Variants in SLC45A3 observed in about 807,000 individuals in gnomAD.
The protein encoded by SLC45A3 is prostate cancer associated protein 2.
In SLC45A3, 17 loss-of-function variants were observed where a neutral mutation model predicts 35.3. The observed-to-expected ratio is 0.48, with a 90% confidence interval of 0.33 to 0.72. SLC45A3 has a LOEUF of 0.72. Ranked by LOEUF, SLC45A3 falls within the 30% of genes least tolerant of loss-of-function variation. The pLI is 0.02. For synonymous variants in SLC45A3, 288 were observed against 334.3 expected (o/e 0.86, Z 1.51); for missense variants, 597 against 731.7 (o/e 0.82, Z 2.12).
rs35201492 is a variant in SLC45A3 at position 205,659,513 on chromosome 1, G to A, written c.1383C>T (p.Cys461=). 3.0e-3 allele frequency: 4,775 copies of A among 1,611,982 alleles called. 44 individuals carry two copies. Among genetic ancestry groups the A allele is most frequent in the African/African-American group, 0.027 (2,037 of 75,020 alleles). The change falls in exon 5 of 5, where the codon TGC becomes TGT. Residue 461 remains cysteine, a synonymous_variant. Transcript: ENST00000367145. This position sits in a 1 kb window ranked among gnomAD's most constrained non-coding sequence, Gnocchi z 5.8. ...CGGAGACATCACAGGCAGAGGCCCCGCAGAGCGCGGGTGGAGGTGGGAGCA... is the reference window on the plus strand; with the variant it reads ...CGGAGACATCACAGGCAGAGGCCCCACAGAGCGCGGGTGGAGGTGGGAGCA... The part of the protein sequence containing the change: ...SGLLPPPPAL[C]GASACDVSVR...
In SLC45A3 at chr1:205,664,916, G is replaced by T. The variant is rs185358189; in HGVS notation, c.-230-30C>A. ...AAGGGCGGGGCAATCACAAGCACACGGGGTGTTAAGTCCTGGGAGCCAGGT... is the reference window on the plus strand; with the variant it reads ...AAGGGCGGGGCAATCACAAGCACACTGGGTGTTAAGTCCTGGGAGCCAGGT... On this transcript the variant is annotated intron_variant, in intron 1 of 4. Transcript: ENST00000367145. This position sits in a 1 kb window ranked among gnomAD's most constrained non-coding sequence, Gnocchi z 5.3. 33 of 1,325,626 alleles carry T rather than the reference G, an allele frequency of 2.5e-5. No individual in the cohort carries two copies. Among genetic ancestry groups the T allele is most frequent in the Non-Finnish European group, 2.6e-5 (27 of 1,039,234 alleles). 82.1% of individuals were successfully genotyped at this position (1,325,626 alleles called of 1,614,324 possible). A position where few individuals can be genotyped will look rare whatever the true frequency, so the allele number is the denominator to read the frequency against.
At chr1:205,677,941 C>T (rs1325103869) in intron 1 of SLC45A3, among the ~76,000 whole-genome samples, 1 of 152,220 alleles carries the variant, frequency 6.6e-6, no homozygotes, top group African/African-American at 2.4e-5. Context: ...TCCCATTTTG[C>T]AGCCAGGGAT....
Position 205,664,647 on chromosome 1 carries a change from T to C in SLC45A3, c.10A>G (p.Arg4Gly), listed in dbSNP as rs1450896571. MVQ[R>G]LWVSRLLRHR... is the part of the protein sequence containing the mutation. ...CGCAGCAGGCGGCTCACCCACAGCC[T>C]CTGGACCATAGTGGGCCAGGCGGGT... is the stretch of plus-strand genomic sequence containing the variant. Residue 4 changes from arginine to glycine, a missense_variant, in exon 2 of 5, where the codon AGG (arginine) becomes GGG (glycine). Arg to Gly is a moderately radical substitution (Grantham distance 125, BLOSUM62 -2). Transcript: ENST00000367145. The surrounding 1 kb of genome is among the most constrained non-coding windows in gnomAD (Gnocchi z 5.3). The C allele has an allele frequency of 6.2e-7, 1 of 1,614,172 alleles. No homozygotes were observed. The highest frequency in any genetic ancestry group is 1.7e-5 in the Admixed American group (1 of 60,020).
At chr1:205,668,497 C>A (rs1671154554) in intron 1 of SLC45A3, among the ~76,000 whole-genome samples, 1 of 152,132 alleles carries the variant, frequency 6.6e-6, no homozygotes, top group Non-Finnish European at 1.5e-5. Context: ...AGTGTTGGAA[C>A]CCCGCCTCCT....
At chr1:205,674,090 A>T (rs1032068444) in intron 1 of SLC45A3, among the ~76,000 whole-genome samples, 5 of 151,938 alleles carry the variant, frequency 3.3e-5, no homozygotes, top group African/African-American at 1.2e-4. Context: ...ATACAAATCC[A>T]CGTGAGGGGG....
chr1:205,678,236 G>A (rs1222534676), intron 1 of SLC45A3, among the ~76,000 whole-genome samples: 4 of 152,172 alleles, frequency 2.6e-5, no homozygotes, highest in African/African-American at 4.8e-5. Context: ...AGAATCACTT[G>A]AACCCAGGAG....
chr1:205,668,750 G>A (rs1156679068), intron 1 of SLC45A3, among the ~76,000 whole-genome samples: 1 of 152,138 alleles, frequency 6.6e-6, no homozygotes, highest in Non-Finnish European at 1.5e-5. Context: ...AGCCTTCTAG[G>A]ACAAGTCCCT....
intron 1 of SLC45A3, among the ~76,000 whole-genome samples, chr1:205,668,833 T>C (rs1013907379): frequency 1.3e-5 from 2 of 152,110 alleles, no homozygotes; most frequent in Non-Finnish European, 2.9e-5. Context: ...GGAGGAAACC[T>C]AAGGCCTCTG....
At chr1:205,680,093 G>A (rs1001118886) in intron 1 of SLC45A3, among the ~76,000 whole-genome samples, 12 of 148,602 alleles carry the variant, frequency 8.1e-5, no homozygotes, top group African/African-American at 2.9e-4. Context: ...CGCCCACACC[G>A]CCGCCCCGCC....
chr1:205,666,470 T>C lies in SLC45A3; in HGVS notation c.-230-1584A>G, dbSNP rs1210797582. 6.6e-6 allele frequency among the ~76,000 whole-genome samples: 1 copy of C among 152,214 alleles called. No homozygotes were observed. Among genetic ancestry groups the C allele is most frequent in the East Asian group, 1.9e-4 (1 of 5,196 alleles). On this transcript the variant is annotated intron_variant, in intron 1 of 4. Coordinates refer to ENST00000367145, the MANE Select transcript of SLC45A3 (RefSeq NM_033102.3). This position sits in a 1 kb window ranked among gnomAD's most constrained non-coding sequence, Gnocchi z 4.1. ...GTGCAGCGCGCAGTGATTGGACCACTGCCTCCAGTCTGGGTGACAGAGGGA... is the reference window on the plus strand; with the variant it reads ...GTGCAGCGCGCAGTGATTGGACCACCGCCTCCAGTCTGGGTGACAGAGGGA...
chr1:205,660,780 A>G (rs1284169971), intron 4 of SLC45A3, among the ~76,000 whole-genome samples: 1 of 151,880 alleles, frequency 6.6e-6, no homozygotes, highest in African/African-American at 2.4e-5. Flanking sequence ...CGCTGATGCC[A>G]GCCCCCTGCC....
At chr1:205,670,564 C>T in intron 1 of SLC45A3, among the ~76,000 whole-genome samples, 1 of 152,200 alleles carries the variant, frequency 6.6e-6, no homozygotes, top group Non-Finnish European at 1.5e-5. Context: ...GACTTGCTCC[C>T]TGGTGCCTGC....
At chr1:205,665,346 A>G (rs557371942) in intron 1 of SLC45A3, among the ~76,000 whole-genome samples, 14 of 152,130 alleles carry the variant, frequency 9.2e-5, no homozygotes, top group Non-Finnish European at 1.8e-4. Context: ...CCTATTCTGC[A>G]TTGCTTGGCC....
At chr1:205,671,485 T>G (rs1416222022) in intron 1 of SLC45A3, among the ~76,000 whole-genome samples, 1 of 152,206 alleles carries the variant, frequency 6.6e-6, no homozygotes. Context: ...GACCTGGGTT[T>G]GCATGCCAGC....
chr1:205,661,404 A>T (rs1239591945), intron 4 of SLC45A3, among the ~76,000 whole-genome samples: 2 of 152,312 alleles, frequency 1.3e-5, no homozygotes, highest in East Asian at 3.9e-4. Flanking sequence ...AGCCTGCCCC[A>T]TCTCAGAGAC....
chr1:205,661,069 G>A (rs549942477), intron 4 of SLC45A3, among the ~76,000 whole-genome samples: 1 of 152,326 alleles, frequency 6.6e-6, no homozygotes, highest in East Asian at 1.9e-4. Context: ...CCAACTTCAT[G>A]CCCCTCAAGG....
intron 1 of SLC45A3, among the ~76,000 whole-genome samples, chr1:205,665,311 T>C (rs1320682880): frequency 6.6e-6 from 1 of 152,200 alleles, no homozygotes; most frequent in Non-Finnish European, 1.5e-5. Context: ...GGGTGTTCAA[T>C]TCCCCTTTGT....
chr1:205,676,479 G>C (rs1388396619), intron 1 of SLC45A3, among the ~76,000 whole-genome samples: 5 of 152,150 alleles, frequency 3.3e-5, no homozygotes, highest in Non-Finnish European at 5.9e-5. Context: ...AACATCTATG[G>C]AACACCTGGC....
chr1:205,678,285 C>G (rs992596827), intron 1 of SLC45A3, among the ~76,000 whole-genome samples: 4 of 152,148 alleles, frequency 2.6e-5, no homozygotes, highest in Non-Finnish European at 5.9e-5. Context: ...ACATTGCACT[C>G]CAGCCTGGGC....
Sources: gnomAD v4.1 joint callset for allele counts (sites outside exome capture counted in the v4.1 genomes callset) on GRCh38, gnomAD v4.1.1 for gene constraint, Gnocchi (gnomAD v3.1) non-coding constraint, MANE v1.5 for transcripts, NCBI Gene and HGNC (gene_info 2026-07-23, HGNC 2026-07-21) for gene names.